The following C10orf67 variants were observed in gnomAD, a reference collection of about 807,000 sequenced individuals.
The protein encoded by C10orf67 is uncharacterized protein C10orf67, mitochondrial.
In C10orf67, 60 loss-of-function variants were observed where a neutral mutation model predicts 35.6. The ratio of observed to expected loss-of-function variants is 1.68; its 90% CI spans 1.37 to 2.09. The LOEUF (loss-of-function observed/expected upper bound fraction) is 2.09. Ranked by LOEUF, C10orf67 falls within the 30% of genes most tolerant of loss-of-function variation. The pLI, the probability that C10orf67 is intolerant of heterozygous loss-of-function variation, is 0.00. For synonymous variants in C10orf67, 167 were observed against 115.8 expected (o/e 1.44, Z -2.84); for missense variants, 474 against 330.2 (o/e 1.44, Z -3.38).
At chr10:23,340,041 G>A (rs1588716417) in intron 1 of C10orf67, among the ~76,000 whole-genome samples, 1 of 152,126 alleles carries the variant, frequency 6.6e-6, no homozygotes, top group South Asian at 2.1e-4. Flanking sequence ...CATTAAGCAT[G>A]AACATGTATG....
chr10:23,288,679 C>A (rs1353442949), intron 7 of C10orf67, among the ~76,000 whole-genome samples: 1 of 152,132 alleles, frequency 6.6e-6, no homozygotes, highest in Non-Finnish European at 1.5e-5. Context: ...TGAACCTAAA[C>A]TTAGGCACAT....
chr10:23,281,647 C>A (rs948218264), intron 8 of C10orf67, among the ~76,000 whole-genome samples: 3 of 152,118 alleles, frequency 2.0e-5, no homozygotes, highest in Non-Finnish European at 2.9e-5. Flanking sequence ...TCTAGCTGGG[C>A]TCTTTTTTTA....
At chr10:23,262,575 T>G (rs1361889068) in intron 10 of C10orf67, among the ~76,000 whole-genome samples, 2 of 152,200 alleles carry the variant, frequency 1.3e-5, no homozygotes, top group Admixed American at 1.3e-4. Flanking sequence ...TACATTACGC[T>G]CAAACCTAGT....
At chr10:23,323,938 T>A (rs1845077479) in intron 2 of C10orf67, among the ~76,000 whole-genome samples, 1 of 60,216 alleles carries the variant, frequency 1.7e-5, no homozygotes, top group Non-Finnish European at 3.3e-5. Context: ...TATATATATA[T>A]ATATATATAT....
intron 3 of C10orf67, 35 bp from the exon 4 acceptor site, chr10:23,320,850 T>C (rs1469688408): frequency 1.4e-6 from 2 of 1,441,366 alleles, no homozygotes; most frequent in Non-Finnish European, 9.5e-7. Context: ...AGCACCATAA[T>C]GTATTTCCAA....
intron 15 of C10orf67, among the ~76,000 whole-genome samples, chr10:23,209,816 A>G (rs1173213275): frequency 1.3e-5 from 2 of 151,988 alleles, no homozygotes; most frequent in Non-Finnish European, 2.9e-5. Context: ...CCTGGGCAAC[A>G]TGGCAAAATC....
At chr10:23,318,755 G>A (rs1311802994) in intron 4 of C10orf67, 30 of 636,816 alleles carry the variant, frequency 4.7e-5, no homozygotes, top group Admixed American at 8.0e-5. Context: ...CAGTGGCTTA[G>A]ACACTGAGGG....
intron 13 of C10orf67, among the ~76,000 whole-genome samples, chr10:23,229,983 C>T (rs773974355): frequency 7.9e-5 from 12 of 151,422 alleles, no homozygotes; most frequent in Non-Finnish European, 1.8e-4. Context: ...TTGTTTTTTT[C>T]TGTGAATATT....
In C10orf67 at chr10:23,333,099, A is replaced by G; in HGVS notation, c.290T>C (p.Val97Ala). 3 of 1,611,854 alleles carry G rather than the reference A, an allele frequency of 1.9e-6. No individual in the cohort carries two copies. Among genetic ancestry groups the G allele is most frequent in the Non-Finnish European group, 2.5e-6 (3 of 1,178,430 alleles). ...TQTDSSEILS[V>A]KELSSSTQKL... Reference sequence around the variant, plus strand: ...TTGCGTAGATGAACTCAATTCTTTTACTGACAGTATTTCACTGGAATCAGT... The same window carrying G: ...TTGCGTAGATGAACTCAATTCTTTTGCTGACAGTATTTCACTGGAATCAGT... Residue 97 changes from valine to alanine, a missense_variant, in exon 2 of 16, where the codon GTA (valine) becomes GCA (alanine). Transcript: ENST00000636213.
intron 15 of C10orf67, among the ~76,000 whole-genome samples, chr10:23,219,198 A>G (rs559415375): frequency 4.6e-5 from 7 of 152,322 alleles, no homozygotes; most frequent in Non-Finnish European, 7.4e-5. Context: ...ATTCTTCCCT[A>G]GAAGTCTCAG....
chr10:23,209,990 A>G (rs1447681665), intron 15 of C10orf67, among the ~76,000 whole-genome samples: 1 of 130,440 alleles, frequency 7.7e-6, no homozygotes, highest in Admixed American at 8.4e-5. Flanking sequence ...ATAGAGCCAG[A>G]CCTTGGCTAA....
intron 10 of C10orf67, among the ~76,000 whole-genome samples, chr10:23,256,160 C>T (rs551637986): frequency 6.6e-6 from 1 of 152,222 alleles, no homozygotes; most frequent in East Asian, 1.9e-4. Flanking sequence ...CACCACCATG[C>T]CTGGCTAATT....
chr10:23,243,013 T>C (rs990958826), intron 12 of C10orf67, among the ~76,000 whole-genome samples: 3 of 151,922 alleles, frequency 2.0e-5, no homozygotes, highest in Non-Finnish European at 4.4e-5. Flanking sequence ...AGAAATAAGA[T>C]AGGCTGAAAG....
chr10:23,299,155 A>C (rs1324877502), intron 5 of C10orf67, among the ~76,000 whole-genome samples: 1 of 151,986 alleles, frequency 6.6e-6, no homozygotes, highest in Non-Finnish European at 1.5e-5. Flanking sequence ...GGAACAACAG[A>C]CTCATTGATA....
chr10:23,252,911 AC>A (rs1842497113), intron 10 of C10orf67, among the ~76,000 whole-genome samples: 1 of 151,288 alleles, frequency 6.6e-6, no homozygotes, highest in Non-Finnish European at 1.5e-5. Flanking sequence ...TGTGGGAGAG[AC>A]CTGGTGGGAG....
At chr10:23,290,522 T>C (rs1340505984) in intron 6 of C10orf67, among the ~76,000 whole-genome samples, 1 of 152,218 alleles carries the variant, frequency 6.6e-6, no homozygotes, top group Non-Finnish European at 1.5e-5. Context: ...AAAAATACGT[T>C]AGAGCAATCT....
chr10:23,243,542 C>A (rs1403371116), intron 12 of C10orf67, among the ~76,000 whole-genome samples: 3 of 151,960 alleles, frequency 2.0e-5, no homozygotes, highest in African/African-American at 4.8e-5. Context: ...AAAAAATTAG[C>A]CAGGCATGGT....
chr10:23,297,622 C>T (rs546864313), intron 5 of C10orf67, among the ~76,000 whole-genome samples: 1 of 152,294 alleles, frequency 6.6e-6, no homozygotes, highest in African/African-American at 2.4e-5. Flanking sequence ...CATTAGTATA[C>T]AAGTTGAGGT....
chr10:23,244,979 A>G (rs1842282471), intron 12 of C10orf67, among the ~76,000 whole-genome samples: 1 of 152,260 alleles, frequency 6.6e-6, no homozygotes, highest in Non-Finnish European at 1.5e-5. Context: ...AGTAATCAAA[A>G]CAGTATGATT....
Sources: allele counts gnomAD v4.1 joint callset (sites outside exome capture counted in the v4.1 genomes callset), GRCh38; gene constraint gnomAD v4.1.1; transcripts MANE v1.5; gene names NCBI Gene and HGNC (gene_info 2026-07-23, HGNC 2026-07-21).